Variants in KHDRBS3 observed in about 807,000 individuals in gnomAD.
KHDRBS3 encodes KH domain-containing, RNA-binding, signal transduction-associated protein 3.
A neutral mutation model predicts 45.6 loss-of-function variants in KHDRBS3; 23 were observed. The ratio of observed to expected loss-of-function variants is 0.50; its 90% CI spans 0.36 to 0.72. The LOEUF is 0.72. Among genes scored for constraint, KHDRBS3 ranks in the 30% least tolerant of loss-of-function variants. KHDRBS3 has a pLI of 0.00. For missense variants in KHDRBS3, 352 were observed against 424.8 expected, an observed-to-expected ratio of 0.83 and a Z score of 1.51; for synonymous variants, 162 against 156.5, an observed-to-expected ratio of 1.04 and a Z score of -0.26.
chr8:135,457,569 G>C lies in KHDRBS3; in HGVS notation c.-298G>C, dbSNP rs1821166193. 6.8e-6 allele frequency: 1 copy of C among 146,772 alleles called. No individual in the cohort carries two copies. Among genetic ancestry groups the C allele is most frequent in the Non-Finnish European group, 1.5e-5 (1 of 65,920 alleles). 9.1% of individuals were successfully genotyped at this position (146,772 alleles called of 1,614,324 possible). A position where few individuals can be genotyped will look rare whatever the true frequency, so the allele number is the denominator to read the frequency against. On this transcript the variant is annotated 5_prime_UTR_variant, in exon 1 of 9. Coordinates refer to ENST00000355849, the MANE Select transcript of KHDRBS3 (RefSeq NM_006558.3). This position sits in a 1 kb window ranked among gnomAD's most constrained non-coding sequence, Gnocchi z 4.4. Reference sequence around the variant, plus strand: ...GACTGCCTCAGGGGCGCCGCAGCCCGCTCGGCCCGAGGGCCCGCCTAACCG... The same window carrying C: ...GACTGCCTCAGGGGCGCCGCAGCCCCCTCGGCCCGAGGGCCCGCCTAACCG...
At chr8:135,543,792 C>A (rs1354627825) in intron 3 of KHDRBS3, among the ~76,000 whole-genome samples, 2 of 152,070 alleles carry the variant, frequency 1.3e-5, no homozygotes, top group African/African-American at 4.8e-5. Context: ...GTTAATAAAA[C>A]CATGGTTTTC....
intron 1 of KHDRBS3, among the ~76,000 whole-genome samples, chr8:135,464,185 G>A (rs1821579366): frequency 6.6e-6 from 1 of 152,116 alleles, no homozygotes; most frequent in Non-Finnish European, 1.5e-5. Context: ...TTAAATAAAT[G>A]TTTCATTATA....
At chr8:135,639,597 C>T (rs1487648369) in intron 7 of KHDRBS3, among the ~76,000 whole-genome samples, 2 of 152,180 alleles carry the variant, frequency 1.3e-5, no homozygotes, top group Non-Finnish European at 2.9e-5. Context: ...CCATTGTATT[C>T]AAGCCATTTT....
Position 135,512,429 on chromosome 8 carries a change from C to CGGTGG in KHDRBS3, c.89-8806_89-8805insTGGGG, listed in dbSNP as rs142771026. On this transcript the variant is annotated intron_variant, in intron 1 of 8. Coordinates refer to ENST00000355849, the MANE Select transcript of KHDRBS3 (RefSeq NM_006558.3). ...CAAGAGTTAAGGTGTTTGGAAAAGT[C>CGGTGG]GGGGGGGGGGTAATAACTCTATTGA... is the stretch of plus-strand genomic sequence containing the variant. Among the ~76,000 whole-genome samples the CGGTGG allele has an allele frequency of 1.1e-3, 87 of 78,122 alleles. 1 individual carries two copies. The highest frequency in any genetic ancestry group is 5.4e-3 in the African/African-American group (82 of 15,078). 51.3% of individuals were successfully genotyped at this position (78,122 alleles called of 152,430 possible).
intron 2 of KHDRBS3, among the ~76,000 whole-genome samples, chr8:135,522,485 C>CT (rs1824965354): frequency 6.6e-6 from 1 of 152,200 alleles, no homozygotes; most frequent in African/African-American, 2.4e-5. Flanking sequence ...AATTGTCATA[C>CT]TTTTTTCCAA....
chr8:135,510,273 A>G (rs527705804), intron 1 of KHDRBS3, among the ~76,000 whole-genome samples: 3 of 152,304 alleles, frequency 2.0e-5, no homozygotes, highest in African/African-American at 2.4e-5. Context: ...AGGCACACTG[A>G]AATTGTAATG....
chr8:135,626,436 C>T (rs949333838), intron 7 of KHDRBS3, among the ~76,000 whole-genome samples: 4 of 152,166 alleles, frequency 2.6e-5, no homozygotes, highest in African/African-American at 4.8e-5. Flanking sequence ...TCAGCATGTC[C>T]TCTGTGAGCT....
In KHDRBS3 at chr8:135,582,148, C is replaced by T. The variant is rs1026900095; in HGVS notation, c.807+75C>T. 9.2e-5 allele frequency: 123 copies of T among 1,343,352 alleles called. 1 individual carries two copies. In the East Asian group the frequency reaches 2.2e-3, roughly 24 times the overall value. 83.2% of individuals were successfully genotyped at this position (1,343,352 alleles called of 1,614,324 possible). ...CAGACTTAGCACTGGATATTGTACCCGCGTACGCTTCCTCACCTTGTTTTG... is the reference window on the plus strand; with the variant it reads ...CAGACTTAGCACTGGATATTGTACCTGCGTACGCTTCCTCACCTTGTTTTG... On this transcript the variant is annotated intron_variant, in intron 6 of 8. Transcript: ENST00000355849.
chr8:135,596,841 C>T (rs1469819595), intron 6 of KHDRBS3, among the ~76,000 whole-genome samples: 1 of 152,032 alleles, frequency 6.6e-6, no homozygotes, highest in African/African-American at 2.4e-5. Context: ...ATCAGCGAAG[C>T]GTGAAGAGAA....
At chr8:135,466,585 TC>T (rs1486800613) in intron 1 of KHDRBS3, among the ~76,000 whole-genome samples, 2 of 152,204 alleles carry the variant, frequency 1.3e-5, no homozygotes, top group Non-Finnish European at 1.5e-5. Flanking sequence ...TAAATCAAAT[TC>T]CCAAATCTGA....
intron 3 of KHDRBS3, among the ~76,000 whole-genome samples, chr8:135,545,469 G>T (rs1826249278): frequency 6.6e-6 from 1 of 152,090 alleles, no homozygotes; most frequent in South Asian, 2.1e-4. Context: ...TTATTCTTAG[G>T]TTTTCACTGT....
chr8:135,531,284 A>G (rs954055229), intron 2 of KHDRBS3, among the ~76,000 whole-genome samples: 4 of 152,156 alleles, frequency 2.6e-5, no homozygotes, highest in Non-Finnish European at 5.9e-5. Flanking sequence ...AGAAATGGAT[A>G]TTAGGTTAAA....
chr8:135,515,815 A>T (rs1426522300), intron 1 of KHDRBS3, among the ~76,000 whole-genome samples: 1 of 152,196 alleles, frequency 6.6e-6, no homozygotes, highest in Non-Finnish European at 1.5e-5. Flanking sequence ...TAAGAGATTT[A>T]AAGCAGTGCA....
At chr8:135,612,292 C>G (rs1027213059) in intron 7 of KHDRBS3, among the ~76,000 whole-genome samples, 2 of 151,846 alleles carry the variant, frequency 1.3e-5, no homozygotes, top group African/African-American at 2.4e-5. Flanking sequence ...GCTTTAAAAT[C>G]TCTTAGGAAT....
intron 7 of KHDRBS3, among the ~76,000 whole-genome samples, chr8:135,628,634 G>GACCT (rs1208035471): frequency 1.3e-5 from 2 of 152,152 alleles, no homozygotes; most frequent in African/African-American, 4.8e-5. Context: ...ATGTGACTGT[G>GACCT]ACCTCATTGT....
Position 135,596,002 on chromosome 8 carries a change from G to A in KHDRBS3, c.808-10953G>A, listed in dbSNP as rs77727671. ...AATAAACCAAAAAATCTTTGAAGGC[G>A]TGAAAGCTAAAATGGTTAAAAAAAT... On this transcript the variant is annotated intron_variant, in intron 6 of 8. Coordinates refer to ENST00000355849, the MANE Select transcript of KHDRBS3 (RefSeq NM_006558.3). Among the ~76,000 whole-genome samples the A allele has an allele frequency of 1.0e-2, 1,520 of 152,212 alleles. 23 individuals are homozygous for A. Among genetic ancestry groups the A allele is most frequent in the African/African-American group, 0.032 (1,344 of 41,524 alleles).
chr8:135,470,307 G>T (rs112789233), intron 1 of KHDRBS3, among the ~76,000 whole-genome samples: 4,790 of 151,240 alleles, frequency 0.032, 101 homozygotes, highest in Middle Eastern at 0.054. Context: ...AGTTTTACTG[G>T]TTTTTTTTTG....
At chr8:135,476,340 C>T (rs1184246073) in intron 1 of KHDRBS3, among the ~76,000 whole-genome samples, 1 of 152,102 alleles carries the variant, frequency 6.6e-6, no homozygotes, top group Non-Finnish European at 1.5e-5. Flanking sequence ...GATGGGGTTT[C>T]ACCATATTGG....
At chr8:135,651,172 C>A (rs1376462749), downstream of KHDRBS3, among the ~76,000 whole-genome samples, 1 of 152,086 alleles carries the variant, frequency 6.6e-6, no homozygotes, top group Non-Finnish European at 1.5e-5. Context: ...CAGGTACTCT[C>A]AGAGCATCCA....
Sources: allele counts gnomAD v4.1 joint callset (sites outside exome capture counted in the v4.1 genomes callset), GRCh38; gene constraint gnomAD v4.1.1; non-coding constraint Gnocchi (gnomAD v3.1); transcripts MANE v1.5; gene names NCBI Gene and HGNC (gene_info 2026-07-23, HGNC 2026-07-21).